IFT74: variants seen among roughly 807,000 people sequenced by gnomAD.
IFT74 encodes intraflagellar transport protein 74 homolog.
A neutral mutation model predicts 96.7 loss-of-function variants in IFT74; 92 were observed. The ratio of observed to expected loss-of-function variants is 0.95; its 90% CI spans 0.80 to 1.13. The LOEUF is 1.13. Ranked by LOEUF, IFT74 falls within the 50% of genes most tolerant of loss-of-function variation. The pLI is 0.00. For missense variants in IFT74, 811 were observed against 698.2 expected, an observed-to-expected ratio of 1.16 and a Z score of -1.82; for synonymous variants, 223 against 213.2, an observed-to-expected ratio of 1.05 and a Z score of -0.40.
At chr9:26,995,643 G>C in intron 8 of IFT74, 3 of 1,613,666 alleles carry the variant, frequency 1.9e-6, no homozygotes, top group Non-Finnish European at 2.5e-6. Flanking sequence ...TTTGTTTCTG[G>C]TATCTGTGAA....
chr9:27,050,849 C>A (rs368805993), intron 16 of IFT74, among the ~76,000 whole-genome samples: 1 of 151,720 alleles, frequency 6.6e-6, no homozygotes, highest in Non-Finnish European at 1.5e-5. Context: ...CAAACCTGCA[C>A]GTTGTGCACA....
intron 13 of IFT74, among the ~76,000 whole-genome samples, chr9:27,040,299 C>T (rs562735797): frequency 9.9e-5 from 15 of 152,074 alleles, no homozygotes; most frequent in African/African-American, 3.6e-4. Flanking sequence ...GCCTGTAATC[C>T]CAGCACTCTG....
chr9:27,016,123 G>A (rs1045581219), intron 10 of IFT74, among the ~76,000 whole-genome samples: 3 of 152,130 alleles, frequency 2.0e-5, no homozygotes, highest in African/African-American at 7.2e-5. Context: ...CAGTTCCAGA[G>A]CCTGGAAGTC....
chr9:26,995,484 T>C (rs1203593656), intron 8 of IFT74: 1 of 1,221,870 alleles, frequency 8.2e-7, no homozygotes, highest in East Asian at 2.5e-5. Flanking sequence ...CTGAGTGAGC[T>C]GATAACTTTG....
chr9:26,951,027 C>G (rs763880942), intron 1 of IFT74, among the ~76,000 whole-genome samples: 6 of 152,222 alleles, frequency 3.9e-5, no homozygotes, highest in East Asian at 1.9e-4. Flanking sequence ...AATAACAATT[C>G]TGGATCCCCC....
intron 8 of IFT74, among the ~76,000 whole-genome samples, chr9:27,002,524 T>C (rs1828555514): frequency 6.6e-6 from 1 of 152,250 alleles, no homozygotes; most frequent in Non-Finnish European, 1.5e-5. Context: ...GCAGTTTTTC[T>C]AGCACCATTT....
At chr9:26,996,796 T>C (rs1236095402) in intron 8 of IFT74, among the ~76,000 whole-genome samples, 6 of 152,210 alleles carry the variant, frequency 3.9e-5, no homozygotes, top group Non-Finnish European at 8.8e-5. Context: ...CAGTATGGTT[T>C]GCAGTTAAAA....
chr9:27,014,753 C>T (rs184564009), intron 10 of IFT74, among the ~76,000 whole-genome samples: 4 of 152,210 alleles, frequency 2.6e-5, no homozygotes, highest in South Asian at 2.1e-4. Flanking sequence ...GGATTACAAG[C>T]GTGCATCACC....
rs1820030147 is a variant in IFT74, at chr9:27,053,658, T to G, written c.1334-1951T>G. Reference sequence around the variant, plus strand: ...AGCATTTAGCTTTTCATTGCGGACCTGTTGTTAAAGGAAGATAAACTTTAC... The same window carrying G: ...AGCATTTAGCTTTTCATTGCGGACCGGTTGTTAAAGGAAGATAAACTTTAC... On this transcript the variant is annotated intron_variant, in intron 16 of 19. Transcript: ENST00000380062. Among the ~76,000 whole-genome samples the G allele has an allele frequency of 2.0e-5, 3 of 152,330 alleles. No individual in the cohort carries two copies. In the South Asian group the frequency reaches 6.2e-4, roughly 32 times the overall value.
rs928195246 is a variant in IFT74 at position 27,065,707 on chromosome 9, G to A, written c.*2971G>A. 6.6e-6 allele frequency among the ~76,000 whole-genome samples: 1 copy of A among 152,110 alleles called. No individual in the cohort carries two copies. Among genetic ancestry groups the A allele is most frequent in the African/African-American group, 2.4e-5 (1 of 41,412 alleles). ...AGTAGTAGTTCCAGGGGTTTTTGCTGTTCCCTTGCTCAGTTTCTCTAGACT... is the reference window on the plus strand; with the variant it reads ...AGTAGTAGTTCCAGGGGTTTTTGCTATTCCCTTGCTCAGTTTCTCTAGACT... On this transcript the variant is annotated 3_prime_UTR_variant, in exon 20 of 20. Coordinates refer to ENST00000380062, the MANE Select transcript of IFT74 (RefSeq NM_025103.4).
chr9:26,996,511 G>T (rs1828167207), intron 8 of IFT74: 3 of 1,411,222 alleles, frequency 2.1e-6, no homozygotes, highest in Non-Finnish European at 2.8e-6. Flanking sequence ...TAGTAAATCA[G>T]AAAGAATAAG....
chr9:26,948,445 ATTATTT>A (rs1708284158), intron 1 of IFT74, among the ~76,000 whole-genome samples: 1 of 47,312 alleles, frequency 2.1e-5, no homozygotes, highest in African/African-American at 5.9e-5. Context: ...ATGGCTTTCC[ATTATTT>A]TTTTTTTTTT....
intron 13 of IFT74, chr9:27,036,521 C>A: frequency 1.2e-6 from 2 of 1,613,432 alleles, no homozygotes; most frequent in Non-Finnish European, 1.7e-6. Flanking sequence ...TTGAACCTGC[C>A]ATGTGCTAAG....
Position 27,064,389 on chromosome 9 carries a change from T to C in IFT74, c.*1653T>C, listed in dbSNP as rs1298404336. Among the ~76,000 whole-genome samples, 1 of 152,126 alleles carries C rather than the reference T, an allele frequency of 6.6e-6. No homozygotes were observed. The highest frequency in any genetic ancestry group is 1.5e-5 in the Non-Finnish European group (1 of 67,976). ...ATTTCACAAGGGAAAAAAACTCTTTTAGCAGTTAAAGAGAATGAAATCTGA... is the reference window on the plus strand; with the variant it reads ...ATTTCACAAGGGAAAAAAACTCTTTCAGCAGTTAAAGAGAATGAAATCTGA... On this transcript the variant is annotated 3_prime_UTR_variant, in exon 20 of 20. Coordinates refer to ENST00000380062, the MANE Select transcript of IFT74 (RefSeq NM_025103.4).
chr9:27,058,111 C>T (rs1432997839), intron 18 of IFT74, among the ~76,000 whole-genome samples: 1 of 147,984 alleles, frequency 6.8e-6, no homozygotes, highest in Non-Finnish European at 1.5e-5. Context: ...TTTTTTCAAA[C>T]AGAGTCTCAC....
chr9:26,957,568 A>G (rs998300261), intron 1 of IFT74, among the ~76,000 whole-genome samples: 3 of 152,232 alleles, frequency 2.0e-5, no homozygotes, highest in Non-Finnish European at 2.9e-5. Context: ...TGGAAATTTC[A>G]GATAAACAAT....
At chr9:27,017,808 C>A (rs991585264) in intron 11 of IFT74, among the ~76,000 whole-genome samples, 50 of 152,216 alleles carry the variant, frequency 3.3e-4, no homozygotes, top group African/African-American at 1.1e-3. Context: ...TTTCTTACTA[C>A]CCCAGGGGTG....
chr9:26,948,236 T>A (rs1825808435), intron 1 of IFT74, among the ~76,000 whole-genome samples: 1 of 152,128 alleles, frequency 6.6e-6, no homozygotes, highest in Non-Finnish European at 1.5e-5. Context: ...AGAGCTGTAT[T>A]CCCATATTGT....
At position 27,065,897 on chromosome 9, in the gene IFT74, A is replaced by G. The variant is rs1820590205; in HGVS notation, c.*3161A>G. On this transcript the variant is annotated 3_prime_UTR_variant, in exon 20 of 20. Coordinates refer to ENST00000380062, the MANE Select transcript of IFT74 (RefSeq NM_025103.4). ...TGTATAACTTTTGAAATAAAAGTAGATTATGTCTTAAAATTGTAAGTTTAC... is the reference window on the plus strand; with the variant it reads ...TGTATAACTTTTGAAATAAAAGTAGGTTATGTCTTAAAATTGTAAGTTTAC... Among the ~76,000 whole-genome samples, 2 of 152,246 alleles carry G rather than the reference A, an allele frequency of 1.3e-5. No individual in the cohort carries two copies. Among genetic ancestry groups the G allele is most frequent in the African/African-American group, 2.4e-5 (1 of 41,460 alleles).
Sources: gnomAD v4.1 joint callset for allele counts (sites outside exome capture counted in the v4.1 genomes callset) on GRCh38, gnomAD v4.1.1 for gene constraint, MANE v1.5 for transcripts, NCBI Gene and HGNC (gene_info 2026-07-23, HGNC 2026-07-21) for gene names.